TTC29: variants seen among roughly 807,000 people sequenced by gnomAD.
The protein encoded by TTC29 is tetratricopeptide repeat domain 29.
A neutral mutation model predicts 58.1 loss-of-function variants in TTC29; 49 were observed. The observed-to-expected ratio is 0.84, with a 90% confidence interval of 0.67 to 1.07. The LOEUF (loss-of-function observed/expected upper bound fraction) is 1.07. Ranked by LOEUF, TTC29 falls within the 50% of genes least tolerant of loss-of-function variation. The pLI, the probability that TTC29 is intolerant of heterozygous loss-of-function variation, is 0.00. For missense variants in TTC29, 582 were observed against 555.6 expected (o/e 1.05, Z -0.48); for synonymous variants, 209 against 196.8 (o/e 1.06, Z -0.52).
intron 11 of TTC29, among the ~76,000 whole-genome samples, chr4:146,787,676 A>G (rs1749123896): frequency 6.6e-6 from 1 of 152,144 alleles, no homozygotes; most frequent in African/African-American, 2.4e-5. Flanking sequence ...GCAATCTTAA[A>G]CTTGCAGCGT....
chr4:146,757,252 T>C (rs896867484), intron 11 of TTC29, among the ~76,000 whole-genome samples: 2 of 151,962 alleles, frequency 1.3e-5, no homozygotes, highest in Non-Finnish European at 2.9e-5. Context: ...ACTCTCCCCC[T>C]TTTCCTACGG....
At chr4:146,741,487 CTT>C (rs762817689) in intron 11 of TTC29, among the ~76,000 whole-genome samples, 38 of 139,864 alleles carry the variant, frequency 2.7e-4, no homozygotes, top group Admixed American at 3.6e-4. Flanking sequence ...AAAAATTGTT[CTT>C]TTTTTTTTTT....
At chr4:146,807,242 T>C (rs771451145) in intron 10 of TTC29, among the ~76,000 whole-genome samples, 17 of 152,256 alleles carry the variant, frequency 1.1e-4, no homozygotes, top group Non-Finnish European at 2.1e-4. Flanking sequence ...TAAAGCAGTG[T>C]GTAGAGAGAA....
chr4:146,836,684 AAGG>A (rs1270709418), intron 8 of TTC29, among the ~76,000 whole-genome samples: 1 of 152,150 alleles, frequency 6.6e-6, no homozygotes, highest in African/African-American at 2.4e-5. Flanking sequence ...AAAGTGGGCA[AAGG>A]AGGTGAACAG....
At chr4:146,841,278 G>A (rs1233864191) in intron 8 of TTC29, among the ~76,000 whole-genome samples, 5 of 152,164 alleles carry the variant, frequency 3.3e-5, no homozygotes, top group South Asian at 2.1e-4. Flanking sequence ...TTTATTCAGC[G>A]TTGTTCCTGT....
intron 7 of TTC29, among the ~76,000 whole-genome samples, chr4:146,871,651 C>A (rs1331351604): frequency 5.9e-5 from 9 of 151,552 alleles, no homozygotes; most frequent in Admixed American, 5.9e-4. Context: ...GAAACAATTC[C>A]ATTTACAATA....
chr4:146,740,946 T>A (rs1745089776), intron 11 of TTC29, among the ~76,000 whole-genome samples: 1 of 152,058 alleles, frequency 6.6e-6, no homozygotes, highest in Non-Finnish European at 1.5e-5. Flanking sequence ...TGGTTCAAAC[T>A]CCTGGGCTCA....
intron 5 of TTC29, among the ~76,000 whole-genome samples, chr4:146,904,442 G>A (rs537924454): frequency 9.0e-4 from 136 of 151,708 alleles, no homozygotes; most frequent in African/African-American, 3.2e-3. Context: ...TTTCCTAAAG[G>A]GTATCTAACC....
chr4:146,910,731 C>G (rs561970656), intron 4 of TTC29, among the ~76,000 whole-genome samples: 1 of 152,194 alleles, frequency 6.6e-6, no homozygotes, highest in South Asian at 2.1e-4. Flanking sequence ...ATATGGCAGT[C>G]AGGTTGTTAC....
chr4:146,781,234 T>C lies in TTC29; in HGVS notation c.1330+22223A>G, dbSNP rs9308205. Among the ~76,000 whole-genome samples the C allele has an allele frequency of 3.9e-3, 595 of 152,124 alleles. 5 individuals are homozygous for C. Among genetic ancestry groups the C allele is most frequent in the African/African-American group, 0.013 (533 of 41,568 alleles). On this transcript the variant is annotated intron_variant, in intron 11 of 12. Transcript: ENST00000325106. ...AATGATACATGAGTAGAATAATCGC[T>C]GGATTGAATAATCCAGTAGTATATG... is the stretch of plus-strand genomic sequence containing the variant.
intron 9 of TTC29, among the ~76,000 whole-genome samples, chr4:146,820,577 GA>G (rs1426275216): frequency 2.0e-5 from 3 of 152,052 alleles, no homozygotes; most frequent in Non-Finnish European, 4.4e-5. Context: ...ATACCCAAGT[GA>G]AGCAAAAATA....
At position 146,886,905 on chromosome 4, in the gene TTC29, A is replaced by G. The variant is rs567946177; in HGVS notation, c.587-11977T>C. On this transcript the variant is annotated intron_variant, in intron 6 of 12. Transcript: ENST00000325106. ...GCCTTAAAAAAGATGAGAATTTTGCAATATGTGACTTGGATGAACCTTGGG... is the reference window on the plus strand; with the variant it reads ...GCCTTAAAAAAGATGAGAATTTTGCGATATGTGACTTGGATGAACCTTGGG... Among the ~76,000 whole-genome samples the G allele has an allele frequency of 1.9e-3, 289 of 152,302 alleles. 2 individuals are homozygous for G. Among genetic ancestry groups the G allele is most frequent in the African/African-American group, 6.6e-3 (273 of 41,576 alleles).
chr4:146,789,710 T>C (rs1281206772), intron 11 of TTC29, among the ~76,000 whole-genome samples: 1 of 152,184 alleles, frequency 6.6e-6, no homozygotes, highest in African/African-American at 2.4e-5. Context: ...TCACACATAG[T>C]AAGTTCTGTT....
At chr4:146,821,985 GTTT>G (rs34100285) in intron 9 of TTC29, among the ~76,000 whole-genome samples, 1,938 of 109,604 alleles carry the variant, frequency 0.018, 20 homozygotes, top group East Asian at 0.058. Context: ...CATGTCTAGT[GTTT>G]TTTTTTTTTT....
chr4:146,852,299 A>G (rs1729565887), intron 8 of TTC29, among the ~76,000 whole-genome samples: 1 of 152,236 alleles, frequency 6.6e-6, no homozygotes, highest in Non-Finnish European at 1.5e-5. Flanking sequence ...TGAGAATGTT[A>G]TTAAACATTT....
chr4:146,874,509 A>C (rs1731127420), intron 7 of TTC29, among the ~76,000 whole-genome samples: 1 of 152,184 alleles, frequency 6.6e-6, no homozygotes, highest in African/African-American at 2.4e-5. Flanking sequence ...TTTGGAGATA[A>C]AGCTTTCAGG....
chr4:146,928,976 G>A (rs1735128323), intron 4 of TTC29, among the ~76,000 whole-genome samples: 1 of 151,868 alleles, frequency 6.6e-6, no homozygotes, highest in Non-Finnish European at 1.5e-5. Context: ...CAATGTGAAG[G>A]GAATTTTTTA....
rs191791210 is a variant in TTC29, at chr4:146,887,002, T to C, written c.587-12074A>G. ...CATGATTCCACTTACTTGAGGTATC[T>C]AAAATAGTCAAACTCATAGAAGCAA... is the stretch of plus-strand genomic sequence containing the variant. On this transcript the variant is annotated intron_variant, in intron 6 of 12. Transcript: ENST00000325106. Among the ~76,000 whole-genome samples, 809 of 152,260 alleles carry C rather than the reference T, an allele frequency of 5.3e-3. 9 individuals carry two copies. The highest frequency in any genetic ancestry group is 0.041 in the Middle Eastern group (12 of 292).
At chr4:146,789,541 T>C (rs1749275898) in intron 11 of TTC29, among the ~76,000 whole-genome samples, 1 of 152,228 alleles carries the variant, frequency 6.6e-6, no homozygotes, top group Non-Finnish European at 1.5e-5. Flanking sequence ...AAAATACTTG[T>C]TCATATTAGA....
Sources: allele counts gnomAD v4.1 joint callset (sites outside exome capture counted in the v4.1 genomes callset), GRCh38; gene constraint gnomAD v4.1.1; transcripts MANE v1.5; gene names NCBI Gene and HGNC (gene_info 2026-07-23, HGNC 2026-07-21).